The following RYR3 variants were observed in gnomAD, a reference collection of about 807,000 sequenced individuals.
RYR3 encodes the protein ryanodine receptor 3, also known as brain ryanodine receptor-calcium release channel.
A neutral mutation model predicts 584.3 loss-of-function variants in RYR3; 207 were observed. The observed-to-expected ratio is 0.35, with a 90% CI of 0.32 to 0.40. The LOEUF is 0.40. Among genes scored for constraint, RYR3 ranks in the 10% least tolerant of loss-of-function variants. The pLI is 1.00. For synonymous variants in RYR3, 2,416 were observed against 2,248.5 expected (o/e 1.07, Z -2.11); for missense variants, 5,616 against 6,089.2 (o/e 0.92, Z 2.59).
Position 33,548,200 on chromosome 15 carries a change from A to G in RYR3, c.811A>G (p.Ile271Val), listed in dbSNP as rs1192191421. The part of the protein sequence containing the change: ...RSLWRVEPLR[I>V]SWSGSNIRWG... The stretch of plus-strand genomic sequence containing the variant: ...TCTTTGGAGAGTGGAACCCCTTCGG[A>G]TAAGGTAATGGAAGGCCTGGGAATG... The change falls in exon 9 of 104, where the codon ATA becomes GTA. Residue 271 changes from isoleucine to valine, a missense_variant. Around this residue, in one of 9 missense-constraint regions of RYR3, gnomAD observed 1,284 missense variants for 1,344.6 expected, o/e 0.95. Coordinates refer to ENST00000634891, the MANE Select transcript of RYR3 (RefSeq NM_001036.6). 6.2e-7 allele frequency: 1 copy of G among 1,607,354 alleles called. No individual in the cohort carries two copies. Among genetic ancestry groups the G allele is most frequent in the Non-Finnish European group, 8.5e-7 (1 of 1,174,998 alleles).
intron 74 of RYR3, chr15:33,815,502 C>T (rs1204921983): frequency 5.4e-6 from 1 of 185,764 alleles, no homozygotes; most frequent in African/African-American, 2.3e-5. Flanking sequence ...ATATTAGTAC[C>T]ATCCTTACAT....
chr15:33,582,960 G>A (rs908719200), intron 14 of RYR3, among the ~76,000 whole-genome samples: 3 of 152,306 alleles, frequency 2.0e-5, no homozygotes, highest in East Asian at 3.9e-4. Flanking sequence ...CCAGATTTGC[G>A]TCTACTCTTT....
At chr15:33,833,560 AC>A (rs2077833484) in intron 86 of RYR3, among the ~76,000 whole-genome samples, 1 of 152,228 alleles carries the variant, frequency 6.6e-6, no homozygotes, top group African/African-American at 2.4e-5. Flanking sequence ...AATGCAGTGT[AC>A]CTAAGGAGAT....
chr15:33,811,522 A>AAG (rs1160289153), intron 72 of RYR3, among the ~76,000 whole-genome samples: 1 of 152,022 alleles, frequency 6.6e-6, no homozygotes, highest in Non-Finnish European at 1.5e-5. Flanking sequence ...AAAAAAAAAA[A>AAG]AAGTACTGGT....
chr15:33,508,429 C>T (rs1189799435), intron 3 of RYR3, among the ~76,000 whole-genome samples: 1 of 151,900 alleles, frequency 6.6e-6, no homozygotes, highest in East Asian at 1.9e-4. Flanking sequence ...GCGGGCGGAT[C>T]ACAAGGTCAG....
At chr15:33,828,056 C>G (rs959112085) in intron 85 of RYR3, among the ~76,000 whole-genome samples, 14 of 152,220 alleles carry the variant, frequency 9.2e-5, no homozygotes, top group Non-Finnish European at 1.3e-4. Flanking sequence ...CTTGGTGTCT[C>G]TGTCACATTT....
rs773657599 is a variant in RYR3 at position 33,853,599 on chromosome 15, T to C, written c.13716T>C (p.Ala4572=). Residue 4572 remains alanine (A), a synonymous_variant, in exon 96 of 104, where the codon GCT becomes GCC. Transcript: ENST00000634891. ...ATCTCTACGGAGCAGAACGCATTGC[T>C]GAACTTCTGGGTTTGGACAAAAATG... ...YGDLYGAERI[A]ELLGLDKNAL... 1 of 1,614,020 alleles carries C rather than the reference T, an allele frequency of 6.2e-7. No individual in the cohort carries two copies. Among genetic ancestry groups the C allele is most frequent in the African/African-American group, 1.3e-5 (1 of 75,058 alleles).
chr15:33,614,381 A>G (rs542202086), intron 19 of RYR3, among the ~76,000 whole-genome samples: 1 of 152,014 alleles, frequency 6.6e-6, no homozygotes, highest in Non-Finnish European at 1.5e-5. Context: ...TTTCAGATAA[A>G]GGATTTGGGC....
chr15:33,621,640 CATT>C (rs953356437), intron 19 of RYR3, among the ~76,000 whole-genome samples: 7 of 152,086 alleles, frequency 4.6e-5, no homozygotes, highest in African/African-American at 1.2e-4. Context: ...AACTCTATAT[CATT>C]ATTATTGAGT....
At position 33,838,837 on chromosome 15, in the gene RYR3, C is replaced by G. The variant is rs1161757151; in HGVS notation, c.12857C>G (p.Pro4286Arg). Reference protein sequence around the residue: ...DIMSDLFGLHPKKEGSLKHGP... With the variant: ...DIMSDLFGLHRKKEGSLKHGP... The stretch of plus-strand genomic sequence containing the variant: ...ATGTCAGACCTCTTTGGACTCCACC[C>G]AAAGAAAGAGGGCAGCTTAAAGCAT... Residue 4286 changes from proline (P) to arginine (R), a missense_variant, in exon 89 of 104, where the codon CCA becomes CGA. Transcript: ENST00000634891. 6.2e-7 allele frequency: 1 copy of G among 1,613,894 alleles called. No individual in the cohort carries two copies. Among genetic ancestry groups the G allele is most frequent in the Admixed American group, 1.7e-5 (1 of 59,996 alleles).
intron 97 of RYR3, 61 bp downstream of exon 97, chr15:33,854,510 G>A: frequency 2.2e-6 from 3 of 1,368,106 alleles, no homozygotes; most frequent in Non-Finnish European, 2.0e-6. Context: ...CCACAGAGAA[G>A]CAAGCTATGC....
chr15:33,719,391 G>A (rs1349303650), intron 43 of RYR3, among the ~76,000 whole-genome samples: 2 of 152,152 alleles, frequency 1.3e-5, no homozygotes, highest in African/African-American at 2.4e-5. Context: ...CACCAACTTC[G>A]TGATGCCAAT....
chr15:33,339,536 A>C, intron 1 of RYR3, among the ~76,000 whole-genome samples: 1 of 152,216 alleles, frequency 6.6e-6, no homozygotes, highest in East Asian at 1.9e-4. Flanking sequence ...AGGGAATCAC[A>C]AAAAGCCAAA....
At chr15:33,623,584 C>G (rs185802277) in intron 19 of RYR3, among the ~76,000 whole-genome samples, 10 of 152,292 alleles carry the variant, frequency 6.6e-5, no homozygotes, top group African/African-American at 2.2e-4. Context: ...TGTTTAGGAA[C>G]TTAGCCGTGA....
intron 2 of RYR3, among the ~76,000 whole-genome samples, chr15:33,486,764 C>A (rs116368177): frequency 6.6e-6 from 1 of 152,010 alleles, no homozygotes; most frequent in Admixed American, 6.6e-5. Flanking sequence ...TGCATAGGCC[C>A]CACCTTGTGA....
intron 30 of RYR3, among the ~76,000 whole-genome samples, chr15:33,647,768 C>T (rs566037023): frequency 2.4e-4 from 36 of 152,230 alleles, no homozygotes; most frequent in African/African-American, 7.0e-4. Flanking sequence ...AGTTGGAGGG[C>T]GCTCAATTAA....
chr15:33,510,231 G>A (rs1411677480), intron 3 of RYR3, among the ~76,000 whole-genome samples: 2 of 152,140 alleles, frequency 1.3e-5, no homozygotes, highest in Non-Finnish European at 2.9e-5. Flanking sequence ...GCCACCAACT[G>A]GAAATTTAAC....
intron 94 of RYR3, chr15:33,848,920 C>G (rs1280111124): frequency 6.9e-6 from 1 of 144,750 alleles, no homozygotes; most frequent in Non-Finnish European, 1.5e-5. Context: ...ACTGCAAGCT[C>G]TGCCTCCCGG....
At chr15:33,611,453 G>A (rs976997895) in intron 18 of RYR3, among the ~76,000 whole-genome samples, 8 of 151,922 alleles carry the variant, frequency 5.3e-5, no homozygotes, top group African/African-American at 1.9e-4. Context: ...CTACTTGGGA[G>A]GCTGAGGCAG....
Sources: gnomAD v4.1 joint callset for allele counts (sites outside exome capture counted in the v4.1 genomes callset) on GRCh38, gnomAD v4.1.1 for gene constraint, gnomAD v4.1.1 regional missense constraint, MANE v1.5 for transcripts, NCBI Gene and HGNC (gene_info 2026-07-23, HGNC 2026-07-21) for gene names.